The following PIWIL1 variants were observed in gnomAD, a reference collection of about 807,000 sequenced individuals.
PIWIL1 encodes piwi like RNA-mediated gene silencing 1.
In PIWIL1, 73 loss-of-function variants were observed where a neutral mutation model predicts 114.4. The ratio of observed to expected loss-of-function variants is 0.64; its 90% CI spans 0.53 to 0.78. The LOEUF is 0.78. Ranked by LOEUF, PIWIL1 falls within the 30% of genes least tolerant of loss-of-function variation. PIWIL1 has a pLI of 0.00. For synonymous variants in PIWIL1, 375 were observed against 369.0 expected (o/e 1.02, Z -0.19); for missense variants, 723 against 1,063.1 (o/e 0.68, Z 4.45).
At chr12:130,351,307 C>T (rs766800564) in intron 9 of PIWIL1, 3 of 152,168 alleles carry the variant, frequency 2.0e-5, no homozygotes, top group Non-Finnish European at 2.9e-5. Flanking sequence ...TGGTGTTTTA[C>T]GTGTTATCAT....
chr12:130,392,137 CGT>C, the PIWIL1 span, among the ~76,000 whole-genome samples: 1 of 113,846 alleles, frequency 8.8e-6, no homozygotes. Context: ...ACCGTCATCA[CGT>C]GTCCGTCAGT....
At chr12:130,357,454 G>A in intron 13 of PIWIL1, 27 bp from the exon 14 acceptor site, 1 of 1,560,380 alleles carries the variant, frequency 6.4e-7, no homozygotes, top group Non-Finnish European at 8.8e-7. Flanking sequence ...CTGTGTCTGA[G>A]TGTTGGATTG....
At chr12:130,355,472 G>A in intron 11 of PIWIL1, 81 bp from the exon 12 acceptor site, 2 of 1,045,584 alleles carry the variant, frequency 1.9e-6, no homozygotes, top group Non-Finnish European at 3.0e-6. Flanking sequence ...GTGTGTTGTA[G>A]GCTGGAGTGG....
the PIWIL1 span, among the ~76,000 whole-genome samples, chr12:130,381,476 C>T: frequency 3.3e-5 from 5 of 152,194 alleles, no homozygotes; most frequent in African/African-American, 1.2e-4. Flanking sequence ...ATTTAAGATT[C>T]CTCCGTGTCT....
At chr12:130,358,542 C>T (rs1045359877) in intron 14 of PIWIL1, among the ~76,000 whole-genome samples, 11 of 152,144 alleles carry the variant, frequency 7.2e-5, no homozygotes, top group African/African-American at 2.7e-4. Context: ...GTGTCATGCC[C>T]GGCCCCTCCC....
chr12:130,355,553 A>T lies in PIWIL1; in HGVS notation c.1290A>T (p.Lys430Asn), dbSNP rs1463839770. ...EVGRLIDYIH[K>N]NDNVQRELRD... is the part of the protein sequence containing the mutation. ...GCATGTAAATGTGTTAAATTTACAG[A>T]AACGATAATGTTCAAAGGGAGCTTC... The change falls in exon 12 of 21, where the codon AAA becomes AAT. Residue 430 changes from lysine (K) to asparagine (N), a missense_variant and splice_region_variant. Around this residue, in one of 8 missense-constraint regions of PIWIL1, gnomAD observed 298 missense variants for 420.8 expected, o/e 0.71. Transcript: ENST00000245255. 1 of 1,607,474 alleles carries T rather than the reference A, an allele frequency of 6.2e-7. No homozygotes were observed. The highest frequency in any genetic ancestry group is 8.5e-7 in the Non-Finnish European group (1 of 1,173,848).
chr12:130,353,939 A>G (rs1176070995), intron 9 of PIWIL1, among the ~76,000 whole-genome samples: 3 of 152,114 alleles, frequency 2.0e-5, no homozygotes, highest in Admixed American at 2.0e-4. Flanking sequence ...AAAAAAAAAA[A>G]AAGAATGTCA....
chr12:130,358,975 G>A (rs2073440575), intron 14 of PIWIL1, among the ~76,000 whole-genome samples: 1 of 152,036 alleles, frequency 6.6e-6, no homozygotes, highest in African/African-American at 2.4e-5. Context: ...ACACACCCCT[G>A]CACACACTTC....
the PIWIL1 span, among the ~76,000 whole-genome samples, chr12:130,417,255 A>G: frequency 6.6e-6 from 1 of 152,234 alleles, no homozygotes; most frequent in Admixed American, 6.5e-5. Flanking sequence ...CCAAAGGAAA[A>G]GAAGTCGTTT....
At chr12:130,419,366 G>A in the PIWIL1 span, among the ~76,000 whole-genome samples, 3 of 152,292 alleles carry the variant, frequency 2.0e-5, no homozygotes, top group East Asian at 5.8e-4. This position sits in a 1 kb window ranked among gnomAD's most constrained non-coding sequence, Gnocchi z 4.3. Context: ...ATGCCTGGAC[G>A]CCTGGGTGGG....
chr12:130,387,957 G>A, the PIWIL1 span, among the ~76,000 whole-genome samples: 1 of 152,176 alleles, frequency 6.6e-6, no homozygotes, highest in African/African-American at 2.4e-5. Flanking sequence ...TCAGAAATAT[G>A]TTCATCTGTA....
intron 19 of PIWIL1, 77 bp from the exon 20 acceptor site, chr12:130,371,099 A>C (rs2073805787): frequency 8.2e-7 from 1 of 1,222,576 alleles, no homozygotes; most frequent in African/African-American, 1.5e-5. Flanking sequence ...AGAGTGGTAC[A>C]GAGCTTTTCA....
intron 17 of PIWIL1, 52 bp from the exon 18 acceptor site, chr12:130,362,939 C>A: frequency 6.2e-7 from 1 of 1,611,352 alleles, no homozygotes; most frequent in South Asian, 1.1e-5. Context: ...GAAGAACAGA[C>A]GAGTTGTGTC....
the PIWIL1 span, chr12:130,397,113 A>G: frequency 3.4e-6 from 1 of 292,260 alleles, no homozygotes; most frequent in Non-Finnish European, 6.3e-6. Context: ...TTTGTTAATA[A>G]GACGTCCCCT....
intron 8 of PIWIL1, 100 bp from the exon 9 acceptor site, chr12:130,349,756 T>C: frequency 1.4e-6 from 1 of 701,346 alleles, no homozygotes; most frequent in East Asian, 2.6e-5. Context: ...TATAACCAGG[T>C]GATTTGAAAT....
At chr12:130,424,842 C>T in the PIWIL1 span, 12 of 1,232,484 alleles carry the variant, frequency 9.7e-6, no homozygotes, top group African/African-American at 4.7e-5. This position sits in a 1 kb window ranked among gnomAD's most constrained non-coding sequence, Gnocchi z 9.8. Flanking sequence ...TTCCGAGGTC[C>T]TATGGTCAGT....
At chr12:130,341,549 T>C (rs1248249830) in intron 1 of PIWIL1, among the ~76,000 whole-genome samples, 1 of 152,248 alleles carries the variant, frequency 6.6e-6, no homozygotes, top group Non-Finnish European at 1.5e-5. Context: ...TAACGTGTAT[T>C]AACACGTGTA....
At chr12:130,345,103 C>G (rs1057345137) in intron 3 of PIWIL1, among the ~76,000 whole-genome samples, 3 of 152,208 alleles carry the variant, frequency 2.0e-5, no homozygotes, top group Admixed American at 1.3e-4. Context: ...TTCAGCAAAT[C>G]AAATGACTTG....
In PIWIL1 at chr12:130,346,932, T is replaced by C. The variant is rs758646528; in HGVS notation, c.532-9T>C. The C allele has an allele frequency of 1.2e-6, 2 of 1,608,932 alleles. No homozygotes were observed. The highest frequency in any genetic ancestry group is 1.1e-5 in the South Asian group (1 of 89,306). On this transcript the variant is annotated splice_polypyrimidine_tract_variant and intron_variant, in intron 5 of 20. Coordinates refer to ENST00000245255, the MANE Select transcript of PIWIL1 (RefSeq NM_004764.5). Reference sequence around the variant, plus strand: ...TTAAAGTTTGGGTTTTCCACCTCTCTGGCTTCAGGTTACTGAAGTTTTTAG... The same window carrying C: ...TTAAAGTTTGGGTTTTCCACCTCTCCGGCTTCAGGTTACTGAAGTTTTTAG...
Sources: gnomAD v4.1 joint callset for allele counts (sites outside exome capture counted in the v4.1 genomes callset) on GRCh38, gnomAD v4.1.1 for gene constraint, gnomAD v4.1.1 regional missense constraint, Gnocchi (gnomAD v3.1) non-coding constraint, MANE v1.5 for transcripts, NCBI Gene and HGNC (gene_info 2026-07-23, HGNC 2026-07-21) for gene names.